SULT1C2: variants seen among roughly 807,000 people sequenced by gnomAD.
SULT1C2 encodes the protein sulfotransferase family 1C member 2.
SULT1C2 carries 27 observed loss-of-function variants against 36.0 expected under a neutral mutation model. That is an observed-to-expected ratio of 0.75 (90% CI 0.55 to 1.03). The LOEUF (loss-of-function observed/expected upper bound fraction) is 1.03. Ranked by LOEUF, SULT1C2 falls within the 50% of genes least tolerant of loss-of-function variation. The probability of loss-of-function intolerance (pLI) is 0.00; values close to 1 mark genes in which losing one functional copy is unlikely to be tolerated. For missense variants in SULT1C2, 395 were observed against 359.2 expected (o/e 1.10, Z -0.80); for synonymous variants, 121 against 116.0 (o/e 1.04, Z -0.27).
Position 108,308,457 on chromosome 2 carries a change from A to G in SULT1C2, c.884A>G (p.Glu295Gly). Residue 295 changes from glutamate (E) to glycine (G), a missense_variant, in exon 8 of 8, where the codon GAA becomes GGA. Transcript: ENST00000251481. ...MEGTSINFCM[E>G]L ...GGAACCTCCATAAACTTCTGCATGG[A>G]ACTCTGAGCAAGATGTAAATAAAAT... 1 of 1,602,986 alleles carries G rather than the reference A, an allele frequency of 6.2e-7. No individual in the cohort carries two copies. Among genetic ancestry groups the G allele is most frequent in the East Asian group, 2.2e-5 (1 of 44,814 alleles).
rs758294545 is a variant in SULT1C2, at chr2:108,293,773, G to A, written c.106G>A (p.Glu36Lys). 1.7e-5 allele frequency: 27 copies of A among 1,613,944 alleles called. No homozygotes were observed. Among genetic ancestry groups the A allele is most frequent in the South Asian group, 1.1e-4 (10 of 91,072 alleles). ...CAACTGGAGCCAGATCCAGAGCTTC[G>A]AGGCCAAACCAGATGATCTCCTCAT... ...VDNWSQIQSF[E>K]AKPDDLLICT... The change falls in exon 2 of 8, where the codon GAG (glutamate) becomes AAG (lysine). Residue 36 changes from glutamate to lysine, a missense_variant. Physicochemically the swap from Glu to Lys is moderately conservative, Grantham distance 56. Coordinates refer to ENST00000251481, the MANE Select transcript of SULT1C2 (RefSeq NM_001056.4).
Position 108,308,824 on chromosome 2 carries a change from A to G in SULT1C2, c.*360A>G, listed in dbSNP as rs1677085469. ...TGAGTATAAGTCCAAATATTAGGTT[A>G]TATCTATATTAAAAACAAAATTTCT... On this transcript the variant is annotated 3_prime_UTR_variant, in exon 8 of 8. Transcript: ENST00000251481. 5.9e-6 allele frequency: 1 copy of G among 168,210 alleles called. No individual in the cohort carries two copies. Among genetic ancestry groups the G allele is most frequent in the East Asian group, 1.7e-4 (1 of 5,992 alleles). The allele number at this position is 168,210 out of a possible 1,614,324, so 10.4% of individuals were successfully genotyped here.
intron 3 of SULT1C2, among the ~76,000 whole-genome samples, chr2:108,297,398 G>A (rs1676760745): frequency 6.6e-6 from 1 of 152,200 alleles, no homozygotes; most frequent in Admixed American, 6.5e-5. Context: ...GTTTAACTTT[G>A]TACTCCCATG....
intron 3 of SULT1C2, chr2:108,298,572 G>T (rs199609964): frequency 1.9e-5 from 5 of 259,714 alleles, no homozygotes; most frequent in Admixed American, 5.6e-5. Context: ...TTTAGAGACA[G>T]GATTTCACCA....
intron 4 of SULT1C2, 93 bp from the exon 5 acceptor site, chr2:108,304,481 C>G (rs1676968858): frequency 6.9e-7 from 1 of 1,440,484 alleles, no homozygotes; most frequent in African/African-American, 1.4e-5. Flanking sequence ...AGCCAGAGTG[C>G]ACAGCAACCC....
intron 3 of SULT1C2, chr2:108,298,802 C>T: frequency 4.9e-6 from 1 of 205,418 alleles, no homozygotes; most frequent in Non-Finnish European, 1.0e-5. Flanking sequence ...AGGGCTTTTC[C>T]CTCACTTGTT....
intron 4 of SULT1C2, chr2:108,303,949 T>G (rs1676953586): frequency 1.3e-5 from 2 of 152,196 alleles, no homozygotes; most frequent in African/African-American, 4.8e-5. Context: ...AGATGCATAG[T>G]CAAGAGGCCC....
intron 2 of SULT1C2, 64 bp downstream of exon 2, chr2:108,293,882 T>C: frequency 1.9e-6 from 3 of 1,566,342 alleles, no homozygotes; most frequent in Non-Finnish European, 2.6e-6. Context: ...TCACTTAAGT[T>C]AGAATTCCCC....
chr2:108,289,977 C>T (rs542666276), intron 1 of SULT1C2, among the ~76,000 whole-genome samples: 128 of 152,320 alleles, frequency 8.4e-4, no homozygotes, highest in African/African-American at 3.0e-3. Context: ...CAGCAGGTGC[C>T]CTTCCACACA....
rs148156971 is a variant in SULT1C2 at position 108,307,929 on chromosome 2, C to T, written c.779-423C>T. Among the ~76,000 whole-genome samples, 95 of 152,278 alleles carry T rather than the reference C, an allele frequency of 6.2e-4. 1 individual carries two copies. The East Asian group carries it at 0.017, about 27-fold the overall frequency. ...TTTCTATTACTCTAGATTGATTTTG[C>T]CTGTTGCTGGACTTCACGTAAATGG... On this transcript the variant is annotated intron_variant, in intron 7 of 7. Transcript: ENST00000251481.
chr2:108,291,501 CAGAT>C (rs1272573517), intron 1 of SULT1C2, among the ~76,000 whole-genome samples: 2 of 152,120 alleles, frequency 1.3e-5, no homozygotes, highest in African/African-American at 4.8e-5. Context: ...TTGAAAAAGA[CAGAT>C]AGAAATACAT....
At chr2:108,308,316 CAGAGTG>C (rs1558682579) in intron 7 of SULT1C2, 30 bp from the exon 8 acceptor site, 5 of 1,567,268 alleles carry the variant, frequency 3.2e-6, no homozygotes, top group Non-Finnish European at 4.3e-6. Flanking sequence ...ATCTTTCAAT[CAGAGTG>C]ACACTCCTGT....
chr2:108,295,539 G>A (rs1268820242), intron 3 of SULT1C2, among the ~76,000 whole-genome samples: 1 of 152,030 alleles, frequency 6.6e-6, no homozygotes, highest in Non-Finnish European at 1.5e-5. Flanking sequence ...ACCTCACAAC[G>A]TTTAAATCCT....
chr2:108,304,039 T>C (rs939602969), intron 4 of SULT1C2: 1 of 151,766 alleles, frequency 6.6e-6, no homozygotes, highest in African/African-American at 2.4e-5. Context: ...GTTGGGAGAG[T>C]GCAGGGATGT....
At chr2:108,307,215 T>C (rs1314978468) in intron 7 of SULT1C2, among the ~76,000 whole-genome samples, 1 of 152,250 alleles carries the variant, frequency 6.6e-6, no homozygotes, top group Non-Finnish European at 1.5e-5. Context: ...TAACCAGTGG[T>C]AATGATTTGT....
At chr2:108,296,759 T>A (rs1676740220) in intron 3 of SULT1C2, among the ~76,000 whole-genome samples, 1 of 152,224 alleles carries the variant, frequency 6.6e-6, no homozygotes, top group African/African-American at 2.4e-5. Context: ...CCAGTGGTTT[T>A]CTTTCAGAGT....
At chr2:108,298,797 T>G (rs552682888) in intron 3 of SULT1C2, 1 of 207,740 alleles carries the variant, frequency 4.8e-6, no homozygotes, top group South Asian at 5.3e-5. Context: ...TTCATAGGGC[T>G]TTTCCCTCAC....
intron 7 of SULT1C2, among the ~76,000 whole-genome samples, chr2:108,307,914 T>C (rs143462458): frequency 1.3e-5 from 2 of 152,338 alleles, no homozygotes; most frequent in East Asian, 3.9e-4. Flanking sequence ...TTTCTATTAC[T>C]CTAGATTGAT....
At chr2:108,297,448 C>A (rs761077087) in intron 3 of SULT1C2, among the ~76,000 whole-genome samples, 1 of 152,130 alleles carries the variant, frequency 6.6e-6, no homozygotes, top group Non-Finnish European at 1.5e-5. Flanking sequence ...ATTTATCCCT[C>A]ACAGCCACAT....
Sources: gnomAD v4.1 joint callset for allele counts (sites outside exome capture counted in the v4.1 genomes callset) on GRCh38, gnomAD v4.1.1 for gene constraint, MANE v1.5 for transcripts, NCBI Gene and HGNC (gene_info 2026-07-23, HGNC 2026-07-21) for gene names.